DLGAP2: variants seen among roughly 807,000 people sequenced by gnomAD.
DLGAP2 encodes the protein DLG associated protein 2.
A neutral mutation model predicts 100.3 loss-of-function variants in DLGAP2; 26 were observed. The observed-to-expected ratio is 0.26, with a 90% CI of 0.19 to 0.36. The LOEUF is 0.36. Among genes scored for constraint, DLGAP2 ranks in the 10% least tolerant of loss-of-function variants. The probability of loss-of-function intolerance (pLI) is 1.00; values close to 1 mark genes in which losing one functional copy is unlikely to be tolerated. For missense variants in DLGAP2, 1,858 were observed against 1,453.2 expected (o/e 1.28, Z -4.53); for synonymous variants, 886 against 630.1 (o/e 1.41, Z -6.08).
Position 1,358,902 on chromosome 8 carries a change from A to G in DLGAP2, c.106+100019A>G, listed in dbSNP as rs568875588. On this transcript the variant is annotated intron_variant, in intron 3 of 14. Transcript: ENST00000637795. ...GAGGGTGAGGTCCAGAGACTCGGGA[A>G]TTCTCGGTGCAGAGGCCCCAAAGGG... Among the ~76,000 whole-genome samples the G allele has an allele frequency of 5.9e-5, 9 of 152,212 alleles. No homozygotes were observed. In the East Asian group the frequency reaches 1.7e-3, roughly 30 times the overall value.
chr8:926,848 T>C (rs1018693410), intron 2 of DLGAP2, among the ~76,000 whole-genome samples: 2 of 152,368 alleles, frequency 1.3e-5, no homozygotes, highest in East Asian at 3.9e-4. Flanking sequence ...TGCAGTTGTG[T>C]AATAATCCTG....
At chr8:1,104,636 A>G (rs183704577) in intron 2 of DLGAP2, among the ~76,000 whole-genome samples, 4 of 152,308 alleles carry the variant, frequency 2.6e-5, no homozygotes, top group East Asian at 1.9e-4. Flanking sequence ...GCTCCAGGAA[A>G]TCGCCGCCTG....
intron 1 of DLGAP2, among the ~76,000 whole-genome samples, chr8:819,797 G>A (rs1796551751): frequency 6.6e-6 from 1 of 152,216 alleles, no homozygotes; most frequent in South Asian, 2.1e-4. Context: ...TCAAGTACTT[G>A]GTGTGGAGTG....
At chr8:1,123,782 T>G (rs946612611) in intron 2 of DLGAP2, among the ~76,000 whole-genome samples, 1 of 152,192 alleles carries the variant, frequency 6.6e-6, no homozygotes, top group African/African-American at 2.4e-5. Context: ...GGAATAAAAC[T>G]TCAGCACTTT....
chr8:1,501,979 C>T (rs977220577), intron 4 of DLGAP2, among the ~76,000 whole-genome samples: 1 of 152,208 alleles, frequency 6.6e-6, no homozygotes, highest in Non-Finnish European at 1.5e-5. Context: ...AAGCTGGTGC[C>T]ATATTTGCCA....
At chr8:1,056,287 C>G (rs1290700792) in intron 2 of DLGAP2, among the ~76,000 whole-genome samples, 2 of 152,246 alleles carry the variant, frequency 1.3e-5, no homozygotes, top group African/African-American at 4.8e-5. Context: ...ATCTGTGGCC[C>G]CTCTAACGCA....
chr8:1,192,846 T>C (rs11985011), intron 2 of DLGAP2, among the ~76,000 whole-genome samples: 42,002 of 148,934 alleles, frequency 0.28, 6,582 homozygotes, highest in Middle Eastern at 0.44. Flanking sequence ...CAACAGGCCC[T>C]GGTGTGTGAT....
At chr8:840,737 G>A (rs543377238) in intron 1 of DLGAP2, among the ~76,000 whole-genome samples, 2 of 149,260 alleles carry the variant, frequency 1.3e-5, no homozygotes, top group East Asian at 4.0e-4. Context: ...CACGGTGCAC[G>A]CCTGCACGTT....
chr8:1,240,413 C>G (rs949708748), intron 2 of DLGAP2, among the ~76,000 whole-genome samples: 1 of 151,216 alleles, frequency 6.6e-6, no homozygotes, highest in Non-Finnish European at 1.5e-5. Flanking sequence ...GTCTAGTTCT[C>G]TCACATGGCA....
At chr8:1,223,445 A>T (rs1261452147) in intron 2 of DLGAP2, among the ~76,000 whole-genome samples, 1 of 152,142 alleles carries the variant, frequency 6.6e-6, no homozygotes, top group Non-Finnish European at 1.5e-5. Context: ...ACTTTGAAAC[A>T]ATTAGTGGGT....
In DLGAP2 at chr8:1,382,925, G is replaced by A. The variant is rs552893291; in HGVS notation, c.107-118441G>A. On this transcript the variant is annotated intron_variant, in intron 3 of 14. Coordinates refer to ENST00000637795, the MANE Select transcript of DLGAP2 (RefSeq NM_001346810.2). Reference sequence around the variant, plus strand: ...GTATGTATACAAAGTGTGTGTGTGCGTGTGTGTGTGTGTAGAGAGAGACCC... The same window carrying A: ...GTATGTATACAAAGTGTGTGTGTGCATGTGTGTGTGTGTAGAGAGAGACCC... Among the ~76,000 whole-genome samples the A allele has an allele frequency of 3.9e-4, 59 of 151,400 alleles. 1 individual carries two copies. Among genetic ancestry groups the A allele is most frequent in the African/African-American group, 1.3e-3 (55 of 41,268 alleles).
At chr8:1,553,805 C>T (rs1275848664) in intron 5 of DLGAP2, among the ~76,000 whole-genome samples, 5 of 152,196 alleles carry the variant, frequency 3.3e-5, no homozygotes, top group Non-Finnish European at 7.3e-5. Context: ...GTAGGCCGTG[C>T]AGATCCCTGG....
chr8:885,177 T>C (rs1797898757), intron 1 of DLGAP2, among the ~76,000 whole-genome samples: 1 of 152,164 alleles, frequency 6.6e-6, no homozygotes. Context: ...AGAATGTCAG[T>C]GGTAGTTTGG....
At chr8:1,312,525 TGGGGGCTTGG>T (rs1800637195) in intron 3 of DLGAP2, among the ~76,000 whole-genome samples, 1 of 152,132 alleles carries the variant, frequency 6.6e-6, no homozygotes, top group South Asian at 2.1e-4. Flanking sequence ...TCAGGGTTTC[TGGGGGCTTGG>T]GGGAGAGGGA....
chr8:1,172,062 C>G (rs1797140482), intron 2 of DLGAP2, among the ~76,000 whole-genome samples: 1 of 151,858 alleles, frequency 6.6e-6, no homozygotes, highest in African/African-American at 2.4e-5. Flanking sequence ...TTCAGGAGCT[C>G]TTTTAGGGCA....
chr8:1,206,651 C>T (rs13260829), intron 2 of DLGAP2, among the ~76,000 whole-genome samples: 4,683 of 46,614 alleles, frequency 0.1, 532 homozygotes, highest in African/African-American at 0.3. Context: ...TCCAGCCATC[C>T]GTGGACTGGG....
chr8:882,046 G>C (rs1339074114), intron 1 of DLGAP2, among the ~76,000 whole-genome samples: 1 of 152,140 alleles, frequency 6.6e-6, no homozygotes, highest in Non-Finnish European at 1.5e-5. Context: ...TCTGGGCACT[G>C]AATTGTGTGC....
In DLGAP2 at chr8:1,029,024, C is replaced by G. The variant is rs746881791; in HGVS notation, c.73+121058C>G. On this transcript the variant is annotated intron_variant, in intron 2 of 14. Coordinates refer to ENST00000637795, the MANE Select transcript of DLGAP2 (RefSeq NM_001346810.2). Reference sequence around the variant, plus strand: ...GTGAGGGCGAGGGATCCAAGCTGTCCTAGCTTCCCCTGAGCCTTGGAAGGA... The same window carrying G: ...GTGAGGGCGAGGGATCCAAGCTGTCGTAGCTTCCCCTGAGCCTTGGAAGGA... 1.3e-5 allele frequency among the ~76,000 whole-genome samples: 2 copies of G among 152,122 alleles called. 1 individual carries two copies. The highest frequency in any genetic ancestry group is 1.3e-4 in the Admixed American group (2 of 15,284).
intron 2 of DLGAP2, among the ~76,000 whole-genome samples, chr8:1,189,130 G>C (rs1179237470): frequency 7.9e-6 from 1 of 125,894 alleles, no homozygotes; most frequent in Non-Finnish European, 1.5e-5. Flanking sequence ...CCCCATGGCG[G>C]TTCCGCTGTT....
Sources: allele counts gnomAD v4.1 joint callset (sites outside exome capture counted in the v4.1 genomes callset), GRCh38; gene constraint gnomAD v4.1.1; transcripts MANE v1.5; gene names NCBI Gene and HGNC (gene_info 2026-07-23, HGNC 2026-07-21).